Variants in KSR1 observed in about 807,000 individuals in gnomAD.
The protein encoded by KSR1 is kinase suppressor of ras.
KSR1 carries 35 observed loss-of-function variants against 92.9 expected under a neutral mutation model. That is an observed-to-expected ratio of 0.38 (90% CI 0.29 to 0.50). The LOEUF is 0.50. Among genes scored for constraint, KSR1 ranks in the 20% least tolerant of loss-of-function variants. The pLI, the probability that KSR1 is intolerant of heterozygous loss-of-function variation, is 0.94. For synonymous variants in KSR1, 467 were observed against 472.6 expected, an observed-to-expected ratio of 0.99 and a Z score of 0.15; for missense variants, 972 against 1,158.5, an observed-to-expected ratio of 0.84 and a Z score of 2.34.
At chr17:27,505,179 C>T (rs113726674) in intron 1 of KSR1, among the ~76,000 whole-genome samples, 2 of 152,130 alleles carry the variant, frequency 1.3e-5, no homozygotes, top group East Asian at 1.9e-4. Flanking sequence ...GAGGATAGTC[C>T]GTTTGAATCC....
chr17:27,534,828 T>C (rs1387032538), intron 1 of KSR1, among the ~76,000 whole-genome samples: 1 of 152,230 alleles, frequency 6.6e-6, no homozygotes, highest in Non-Finnish European at 1.5e-5. Context: ...TGATGTCACC[T>C]AAACCCTGCT....
intron 9 of KSR1, among the ~76,000 whole-genome samples, chr17:27,596,944 C>T (rs1212968292): frequency 3.3e-5 from 5 of 152,182 alleles, no homozygotes; most frequent in Admixed American, 2.6e-4. Context: ...GCAGTAGACA[C>T]GGTGCCCTGA....
chr17:27,459,260 G>GA lies in KSR1; in HGVS notation c.231+2390dup, dbSNP rs980610275. Among the ~76,000 whole-genome samples the GA allele has an allele frequency of 2.6e-5, 4 of 152,194 alleles. No individual in the cohort carries two copies. Among genetic ancestry groups the GA allele is most frequent in the African/African-American group, 9.7e-5 (4 of 41,448 alleles). ...GTCTGTCAGTCCGTGCTGATACTAC[G>GA]AAAAGAGTCTGCCTGGCAGCTGCCC... On this transcript the variant is annotated intron_variant, in intron 1 of 20. Coordinates refer to ENST00000644974, the MANE Select transcript of KSR1 (RefSeq NM_001394583.1). The surrounding 1 kb of genome is among the most constrained non-coding windows in gnomAD (Gnocchi z 4.6).
chr17:27,603,889 G>A lies in KSR1; in HGVS notation c.1565+1G>A. ...TCCCTGAAGCTGCCGACGGTACCCG[G>A]TAGGCATCCCTAGGTGGTGTCCCCT... On this transcript the variant is annotated splice_donor_variant, in intron 12 of 20. Transcript: ENST00000644974. LOFTEE classifies it high-confidence loss of function. 1 of 1,613,130 alleles carries A rather than the reference G, an allele frequency of 6.2e-7. No individual in the cohort carries two copies. The highest frequency in any genetic ancestry group is 8.5e-7 in the Non-Finnish European group (1 of 1,179,514).
chr17:27,534,034 G>A (rs1437900348), intron 1 of KSR1, among the ~76,000 whole-genome samples: 1 of 152,196 alleles, frequency 6.6e-6, no homozygotes, highest in Non-Finnish European at 1.5e-5. Flanking sequence ...TTGCAGCCTG[G>A]GGGCCAGGCC....
chr17:27,611,287 C>T lies in KSR1; in HGVS notation c.2358-207C>T, dbSNP rs952974751. ...CCGGTCAAACCTGCGCTGTCTCAGACTTCCCACCCAACGAGAGCACAGGGC... is the reference window on the plus strand; with the variant it reads ...CCGGTCAAACCTGCGCTGTCTCAGATTTCCCACCCAACGAGAGCACAGGGC... On this transcript the variant is annotated intron_variant, in intron 17 of 20. Coordinates refer to ENST00000644974, the MANE Select transcript of KSR1 (RefSeq NM_001394583.1). 5.0e-6 allele frequency: 3 copies of T among 596,622 alleles called. No homozygotes were observed. The African/African-American group carries it at 5.6e-5, about 11-fold the overall frequency. 37.0% of individuals were successfully genotyped at this position (596,622 alleles called of 1,614,324 possible). A position where few individuals can be genotyped will look rare whatever the true frequency, so the allele number is the denominator to read the frequency against.
chr17:27,605,796 C>G lies in KSR1; in HGVS notation c.1977C>G (p.His659Gln). 1 of 1,612,604 alleles carries G rather than the reference C, an allele frequency of 6.2e-7. No individual in the cohort carries two copies. ...TGGGGGCCTGCATGAACCCGCCCCA[C>G]CTGGCCATTATCACCAGGTAACCAA... ...LFMGACMNPP[H>Q]LAIITSFCKG... The change falls in exon 14 of 21, where the codon CAC (histidine) becomes CAG (glutamine). Residue 659 changes from histidine (H) to glutamine (Q), a missense_variant. His to Gln is a conservative substitution (Grantham distance 24, BLOSUM62 0). This residue lies in a region of KSR1 where 260 missense variants were observed against 375.2 expected (regional missense o/e 0.69). Coordinates refer to ENST00000644974, the MANE Select transcript of KSR1 (RefSeq NM_001394583.1).
At chr17:27,495,857 T>C (rs535244162) in intron 1 of KSR1, among the ~76,000 whole-genome samples, 2 of 152,232 alleles carry the variant, frequency 1.3e-5, no homozygotes, top group African/African-American at 2.4e-5. Context: ...TTGGATCATA[T>C]TTGCTTATTA....
chr17:27,602,729 G>A (rs1410083259), intron 11 of KSR1, among the ~76,000 whole-genome samples: 1 of 152,214 alleles, frequency 6.6e-6, no homozygotes, highest in Non-Finnish European at 1.5e-5. Flanking sequence ...GTAGTCTGCA[G>A]ACACACTGTG....
chr17:27,464,454 C>T lies in KSR1; in HGVS notation c.231+7580C>T, dbSNP rs559831455. On this transcript the variant is annotated intron_variant, in intron 1 of 20. Transcript: ENST00000644974. ...CTTGTGTTTGTCTTAAAAGTTCATG[C>T]GCATGGCCAGGTGTGGTGGCTCACA... Among the ~76,000 whole-genome samples, 5 of 152,132 alleles carry T rather than the reference C, an allele frequency of 3.3e-5. No homozygotes were observed. In the East Asian group the frequency reaches 7.7e-4, roughly 23 times the overall value.
intron 7 of KSR1, among the ~76,000 whole-genome samples, chr17:27,591,440 C>T (rs2073163233): frequency 1.3e-5 from 2 of 152,204 alleles, no homozygotes; most frequent in Admixed American, 6.5e-5. Flanking sequence ...CTCGGAGGCT[C>T]GGTGCCCAGC....
intron 5 of KSR1, 89 bp downstream of exon 5, chr17:27,585,750 C>G: frequency 1.4e-6 from 1 of 721,412 alleles, no homozygotes; most frequent in South Asian, 1.5e-5. Flanking sequence ...TTTGACCCAC[C>G]TCTTAGCCCG....
chr17:27,480,355 A>G (rs139973272), intron 1 of KSR1, among the ~76,000 whole-genome samples: 113 of 152,262 alleles, frequency 7.4e-4, no homozygotes, highest in African/African-American at 2.6e-3. Context: ...TCCACAGGGT[A>G]AGGATTTTTC....
chr17:27,461,475 C>T (rs1262980107), intron 1 of KSR1, among the ~76,000 whole-genome samples: 1 of 152,240 alleles, frequency 6.6e-6, no homozygotes, highest in Admixed American at 6.5e-5. Flanking sequence ...CCCACCCAGC[C>T]ACTGTCTCAA....
chr17:27,482,920 C>CAT (rs3049006), intron 1 of KSR1, among the ~76,000 whole-genome samples: 142,418 of 152,196 alleles, frequency 0.94, 66,723 homozygotes, highest in East Asian at 1. Flanking sequence ...CTACATGTCT[C>CAT]GTGTTGGGGG....
intron 1 of KSR1, among the ~76,000 whole-genome samples, chr17:27,467,325 A>G (rs1383311592): frequency 1.3e-5 from 2 of 152,252 alleles, no homozygotes; most frequent in Non-Finnish European, 2.9e-5. Flanking sequence ...ACCCTGGGCC[A>G]GGCCATAGTG....
At chr17:27,581,052 T>C (rs901711901) in intron 3 of KSR1, among the ~76,000 whole-genome samples, 2 of 152,194 alleles carry the variant, frequency 1.3e-5, no homozygotes, top group Admixed American at 6.5e-5. Context: ...ACTTGGCTTA[T>C]GGTTCTGCAG....
At chr17:27,575,919 T>A (rs1171925289) in intron 2 of KSR1, among the ~76,000 whole-genome samples, 1 of 152,266 alleles carries the variant, frequency 6.6e-6, no homozygotes, top group Non-Finnish European at 1.5e-5. Context: ...CTCACAAGGC[T>A]GAGGTCAAGG....
chr17:27,583,064 G>A lies in KSR1; in HGVS notation c.939G>A (p.Glu313=), dbSNP rs756056214. Residue 313 remains glutamate (E), a synonymous_variant, in exon 4 of 21, where the codon GAG becomes GAA. Transcript: ENST00000644974. Reference sequence around the variant, plus strand: ...CACTCACCCGGAGCAAGTCCCATGAGTCTCAGCTGGGGAACCGCATTGATG... The same window carrying A: ...CACTCACCCGGAGCAAGTCCCATGAATCTCAGCTGGGGAACCGCATTGATG... ...FPTLTRSKSH[E]SQLGNRIDDV... 8 of 1,597,460 alleles carry A rather than the reference G, an allele frequency of 5.0e-6. No individual in the cohort carries two copies. Among genetic ancestry groups the A allele is most frequent in the Non-Finnish European group, 6.8e-6 (8 of 1,171,042 alleles).
Sources: gnomAD v4.1 joint callset for allele counts (sites outside exome capture counted in the v4.1 genomes callset) on GRCh38, gnomAD v4.1.1 for gene constraint, gnomAD v4.1.1 regional missense constraint, Gnocchi (gnomAD v3.1) non-coding constraint, MANE v1.5 for transcripts, NCBI Gene and HGNC (gene_info 2026-07-23, HGNC 2026-07-21) for gene names.